CLYBL: variants seen among roughly 807,000 people sequenced by gnomAD.
CLYBL encodes the protein citramalyl-CoA lyase, mitochondrial.
A neutral mutation model predicts 38.9 loss-of-function variants in CLYBL; 31 were observed. The observed-to-expected ratio is 0.80, with a 90% CI of 0.60 to 1.08. CLYBL has a LOEUF of 1.08. Among genes scored for constraint, CLYBL ranks in the 50% least tolerant of loss-of-function variants. CLYBL has a pLI of 0.00. For synonymous variants in CLYBL, 171 were observed against 158.6 expected (o/e 1.08, Z -0.59); for missense variants, 434 against 411.6 (o/e 1.05, Z -0.47).
intron 1 of CLYBL, among the ~76,000 whole-genome samples, chr13:99,758,218 C>T (rs893602482): frequency 4.6e-5 from 7 of 152,182 alleles, no homozygotes; most frequent in African/African-American, 1.7e-4. Context: ...CCCCGTCATG[C>T]TACGGGCCAG....
At chr13:99,728,369 C>T (rs7992348) in intron 1 of CLYBL, among the ~76,000 whole-genome samples, 2,458 of 150,328 alleles carry the variant, frequency 0.016, 61 homozygotes, top group African/African-American at 0.057. Context: ...ACCTCCGTCT[C>T]CTGGGTTCAA....
chr13:99,786,681 C>T (rs2049803593), intron 2 of CLYBL, among the ~76,000 whole-genome samples: 1 of 152,150 alleles, frequency 6.6e-6, no homozygotes, highest in African/African-American at 2.4e-5. Context: ...GTACATGTGT[C>T]TTTGTAGCAG....
chr13:99,883,717 G>C (rs921443341), intron 7 of CLYBL, among the ~76,000 whole-genome samples: 1 of 152,102 alleles, frequency 6.6e-6, no homozygotes, highest in Non-Finnish European at 1.5e-5. Flanking sequence ...CTGGTGACCA[G>C]AGACACAAGG....
intron 1 of CLYBL, among the ~76,000 whole-genome samples, chr13:99,737,131 C>T (rs2048680883): frequency 6.6e-6 from 1 of 152,210 alleles, no homozygotes; most frequent in Admixed American, 6.5e-5. Context: ...ATATGGGGGG[C>T]ATCAGAGAGT....
chr13:99,770,775 G>T (rs1341193497), intron 1 of CLYBL, among the ~76,000 whole-genome samples: 1 of 151,124 alleles, frequency 6.6e-6, no homozygotes, highest in Non-Finnish European at 1.5e-5. Context: ...AGGCTGGAGT[G>T]CAGTGGTGCG....
chr13:99,907,672 C>T (rs540913895), intron 9 of CLYBL, among the ~76,000 whole-genome samples: 15 of 152,094 alleles, frequency 9.9e-5, no homozygotes, highest in Admixed American at 3.9e-4. Flanking sequence ...AGCCTGGCAA[C>T]GTAGCATGAC....
At chr13:99,884,194 C>T (rs1054505288) in intron 7 of CLYBL, among the ~76,000 whole-genome samples, 1 of 152,136 alleles carries the variant, frequency 6.6e-6, no homozygotes, top group Non-Finnish European at 1.5e-5. Context: ...ACCAGAGGCT[C>T]AGCAAGTGTT....
At chr13:99,820,322 T>C (rs781461237) in intron 2 of CLYBL, among the ~76,000 whole-genome samples, 21 of 152,228 alleles carry the variant, frequency 1.4e-4, no homozygotes, top group Non-Finnish European at 2.9e-4. Flanking sequence ...CTCACACTTA[T>C]ATTTGCATCC....
rs1169769481 is a variant in CLYBL at position 99,703,752 on chromosome 13, ATTTG to A, written c.63-69060_63-69057del. Among the ~76,000 whole-genome samples the A allele has an allele frequency of 5.3e-5, 8 of 152,210 alleles. 1 individual carries two copies. The highest frequency in any genetic ancestry group is 1.9e-4 in the East Asian group (1 of 5,184). ...CTATATTTTTTCCTTTAAACAATGC[ATTTG>A]TTTGTTTGTTTTATTTGTAAGCTCA... On this transcript the variant is annotated intron_variant, in intron 1 of 8. Transcript: ENST00000339105.
intron 2 of CLYBL, among the ~76,000 whole-genome samples, chr13:99,795,074 C>T (rs1188154210): frequency 6.6e-6 from 1 of 152,072 alleles, no homozygotes; most frequent in Non-Finnish European, 1.5e-5. Context: ...CTATGCAGGC[C>T]GCATGGTGTT....
chr13:99,624,801 C>G (rs987421887), intron 1 of CLYBL, among the ~76,000 whole-genome samples: 1 of 152,162 alleles, frequency 6.6e-6, no homozygotes, highest in African/African-American at 2.4e-5. Flanking sequence ...AACACACAGC[C>G]CTTCCTCAAC....
At chr13:99,798,685 A>G (rs1322439230) in intron 2 of CLYBL, among the ~76,000 whole-genome samples, 1 of 152,340 alleles carries the variant, frequency 6.6e-6, no homozygotes, top group South Asian at 2.1e-4. Context: ...GAGATATTGC[A>G]TGATTGGACC....
At chr13:99,859,321 C>G (rs1284011250) in intron 3 of CLYBL, among the ~76,000 whole-genome samples, 5 of 152,214 alleles carry the variant, frequency 3.3e-5, no homozygotes, top group Non-Finnish European at 1.5e-5. Context: ...CTCAGTAGCC[C>G]TCCCAGAGTA....
intron 1 of CLYBL, among the ~76,000 whole-genome samples, chr13:99,638,901 G>T (rs1221093687): frequency 4.6e-5 from 7 of 152,160 alleles, no homozygotes; most frequent in Admixed American, 2.0e-4. Context: ...GAGCAGAAGG[G>T]GGATAGAACT....
rs759861203 is a variant in CLYBL, at chr13:99,778,876, A to G, written c.249+5866A>G. ...CATAGCTGCCATTTCAGTTGAATGG[A>G]TATTTAAACAATTCTTTAAATTTAT... On this transcript the variant is annotated intron_variant, in intron 2 of 8. Transcript: ENST00000339105. Among the ~76,000 whole-genome samples, 76 of 152,242 alleles carry G rather than the reference A, an allele frequency of 5.0e-4. 2 individuals are homozygous for G. Among genetic ancestry groups the G allele is most frequent in the Admixed American group, 1.3e-4 (2 of 15,288 alleles).
At chr13:99,720,709 C>A (rs1426534850) in intron 1 of CLYBL, among the ~76,000 whole-genome samples, 1 of 152,158 alleles carries the variant, frequency 6.6e-6, no homozygotes, top group Non-Finnish European at 1.5e-5. Context: ...GATTTTGCTG[C>A]TTAGTAACAT....
At chr13:99,663,610 C>T (rs2047439666) in intron 1 of CLYBL, among the ~76,000 whole-genome samples, 1 of 152,128 alleles carries the variant, frequency 6.6e-6, no homozygotes, top group African/African-American at 2.4e-5. Flanking sequence ...GACCAAGCAT[C>T]GATACTGTGT....
At chr13:99,646,618 A>G (rs992588191) in intron 1 of CLYBL, among the ~76,000 whole-genome samples, 1 of 149,066 alleles carries the variant, frequency 6.7e-6, no homozygotes. Context: ...GGTTCAAGCA[A>G]TTCTCTGCCT....
intron 1 of CLYBL, among the ~76,000 whole-genome samples, chr13:99,720,440 A>G (rs887191246): frequency 5.9e-5 from 9 of 151,966 alleles, no homozygotes; most frequent in African/African-American, 2.2e-4. Flanking sequence ...GCTCATTTAG[A>G]TTTACTTACA....
Sources: gnomAD v4.1 joint callset for allele counts (sites outside exome capture counted in the v4.1 genomes callset) on GRCh38, gnomAD v4.1.1 for gene constraint, MANE v1.5 for transcripts, NCBI Gene and HGNC (gene_info 2026-07-23, HGNC 2026-07-21) for gene names.